ST6GALNAC5: variants seen among roughly 807,000 people sequenced by gnomAD.
The protein encoded by ST6GALNAC5 is alpha-N-acetylgalactosaminide alpha-2,6-sialyltransferase 5.
A neutral mutation model predicts 33.6 loss-of-function variants in ST6GALNAC5; 27 were observed. That is an observed-to-expected ratio of 0.80 (90% CI 0.59 to 1.11). The LOEUF (loss-of-function observed/expected upper bound fraction) is 1.11, where lower values mean the gene tolerates loss of function less well. ST6GALNAC5 is among the 50% of genes least tolerant of loss of function. The pLI is 0.00. For synonymous variants in ST6GALNAC5, 194 were observed against 171.2 expected, an observed-to-expected ratio of 1.13 and a Z score of -1.04; for missense variants, 428 against 454.0, an observed-to-expected ratio of 0.94 and a Z score of 0.52.
chr1:76,919,841 G>A (rs1647013078), intron 2 of ST6GALNAC5, among the ~76,000 whole-genome samples: 1 of 152,156 alleles, frequency 6.6e-6, no homozygotes, highest in Non-Finnish European at 1.5e-5. Context: ...ACGCTAAAGT[G>A]ATGATGAGAA....
chr1:76,964,603 G>A (rs921652670), intron 2 of ST6GALNAC5, among the ~76,000 whole-genome samples: 2 of 151,856 alleles, frequency 1.3e-5, no homozygotes, highest in East Asian at 3.9e-4. Flanking sequence ...GGATAATACA[G>A]TAACTATTTT....
At chr1:76,883,885 G>T (rs1011961041) in intron 2 of ST6GALNAC5, among the ~76,000 whole-genome samples, 1 of 152,220 alleles carries the variant, frequency 6.6e-6, no homozygotes, top group African/African-American at 2.4e-5. Context: ...TATCTGTTGG[G>T]AGAGGGAGAA....
intron 2 of ST6GALNAC5, among the ~76,000 whole-genome samples, chr1:76,964,157 G>C (rs1266039879): frequency 6.6e-6 from 1 of 152,094 alleles, no homozygotes; most frequent in African/African-American, 2.4e-5. Flanking sequence ...AAAATAGTAA[G>C]TTGTATTGTT....
At chr1:77,052,623 G>T (rs1166794523) in intron 4 of ST6GALNAC5, among the ~76,000 whole-genome samples, 1 of 151,732 alleles carries the variant, frequency 6.6e-6, no homozygotes, top group Non-Finnish European at 1.5e-5. Context: ...TTCCCTGAAA[G>T]ATACCAAGAA....
chr1:76,967,741 A>G (rs945156052), intron 2 of ST6GALNAC5, among the ~76,000 whole-genome samples: 2 of 152,196 alleles, frequency 1.3e-5, no homozygotes, highest in South Asian at 2.1e-4. Flanking sequence ...TTCCCTCTAC[A>G]CACTGCTTTA....
At chr1:76,923,281 G>GA (rs5775369) in intron 2 of ST6GALNAC5, among the ~76,000 whole-genome samples, 51,537 of 146,316 alleles carry the variant, frequency 0.35, 9,883 homozygotes, top group Non-Finnish European at 0.44. Flanking sequence ...ATTACCTAAT[G>GA]AAAAAAAAAA....
chr1:76,983,431 T>C (rs950828215), intron 2 of ST6GALNAC5, among the ~76,000 whole-genome samples: 7 of 152,112 alleles, frequency 4.6e-5, no homozygotes, highest in African/African-American at 9.7e-5. Context: ...CATTACATAA[T>C]GGTAAAGGGA....
At chr1:76,966,020 G>T (rs1269005) in intron 2 of ST6GALNAC5, among the ~76,000 whole-genome samples, 2 of 152,232 alleles carry the variant, frequency 1.3e-5, no homozygotes, top group African/African-American at 4.8e-5. Context: ...CCTTGTAGTA[G>T]AGTTTGAAGT....
intron 2 of ST6GALNAC5, among the ~76,000 whole-genome samples, chr1:77,035,301 C>A (rs953671968): frequency 6.6e-6 from 1 of 152,140 alleles, no homozygotes; most frequent in Non-Finnish European, 1.5e-5. Context: ...AATTTTCTAA[C>A]CTTAGCTAGC....
intron 2 of ST6GALNAC5, among the ~76,000 whole-genome samples, chr1:76,954,952 G>A (rs1416765704): frequency 6.6e-6 from 1 of 152,128 alleles, no homozygotes; most frequent in Non-Finnish European, 1.5e-5. Context: ...AATACTTGAT[G>A]AGTTCTGGTC....
At chr1:77,047,259 C>A (rs996406623) in intron 3 of ST6GALNAC5, among the ~76,000 whole-genome samples, 10 of 152,190 alleles carry the variant, frequency 6.6e-5, no homozygotes, top group African/African-American at 2.4e-4. Context: ...ACTTAATATT[C>A]TTTACCTGTA....
At chr1:77,053,332 G>A (rs1241317998) in intron 4 of ST6GALNAC5, among the ~76,000 whole-genome samples, 1 of 152,142 alleles carries the variant, frequency 6.6e-6, no homozygotes, top group Admixed American at 6.5e-5. Context: ...CATTGGCTGG[G>A]CCCATTGGAA....
intron 2 of ST6GALNAC5, among the ~76,000 whole-genome samples, chr1:77,022,604 G>T (rs1431845430): frequency 6.6e-6 from 1 of 152,290 alleles, no homozygotes; most frequent in Non-Finnish European, 1.5e-5. Flanking sequence ...CCTCAGTAAG[G>T]TCACACTATG....
chr1:77,045,411 A>G (rs1018097070), intron 3 of ST6GALNAC5, among the ~76,000 whole-genome samples: 1 of 152,232 alleles, frequency 6.6e-6, no homozygotes, highest in African/African-American at 2.4e-5. Flanking sequence ...TCTCAAAGTG[A>G]TGAAAATGTT....
chr1:77,004,563 C>A (rs866401021), intron 2 of ST6GALNAC5, among the ~76,000 whole-genome samples: 2 of 136,520 alleles, frequency 1.5e-5, no homozygotes, highest in African/African-American at 2.5e-5. Flanking sequence ...GGAGGAGAGG[C>A]GCTCTGTGTT....
At chr1:76,971,215 TG>T (rs1356340970) in intron 2 of ST6GALNAC5, among the ~76,000 whole-genome samples, 2 of 152,154 alleles carry the variant, frequency 1.3e-5, no homozygotes, top group Non-Finnish European at 2.9e-5. Flanking sequence ...AAAAATTAAA[TG>T]TTTGCTAAAT....
chr1:77,058,592 C>T (rs888158318), intron 4 of ST6GALNAC5, among the ~76,000 whole-genome samples: 14 of 152,194 alleles, frequency 9.2e-5, no homozygotes, highest in African/African-American at 2.7e-4. Context: ...AGATGCCCAA[C>T]CTTGAATTTT....
chr1:76,960,742 G>T (rs1243489431), intron 2 of ST6GALNAC5, among the ~76,000 whole-genome samples: 1 of 152,164 alleles, frequency 6.6e-6, no homozygotes, highest in South Asian at 2.1e-4. Flanking sequence ...TCTCCCATTT[G>T]CTTTTGAAAG....
At chr1:76,867,732 C>G in intron 1 of ST6GALNAC5, 42 bp downstream of exon 1, 1 of 1,614,014 alleles carries the variant, frequency 6.2e-7, no homozygotes, top group Non-Finnish European at 8.5e-7. Flanking sequence ...AGAGGGGGAT[C>G]CCCGGGCTCA....
Sources: gnomAD v4.1 joint callset for allele counts (sites outside exome capture counted in the v4.1 genomes callset) on GRCh38, gnomAD v4.1.1 for gene constraint, MANE v1.5 for transcripts, NCBI Gene and HGNC (gene_info 2026-07-23, HGNC 2026-07-21) for gene names.